RARB: variants seen among roughly 807,000 people sequenced by gnomAD.
RARB encodes retinoic acid receptor beta.
Under a neutral mutation model 51.9 loss-of-function variants are expected in RARB, and 17 were observed. The observed-to-expected ratio is 0.33, with a 90% CI of 0.22 to 0.49. The LOEUF (loss-of-function observed/expected upper bound fraction) is 0.49, where lower values mean the gene tolerates loss of function less well. Among genes scored for constraint, RARB ranks in the 20% least tolerant of loss-of-function variants. The pLI, the probability that RARB is intolerant of heterozygous loss-of-function variation, is 0.99. For synonymous variants in RARB, 215 were observed against 195.4 expected (o/e 1.10, Z -0.84); for missense variants, 369 against 550.8 (o/e 0.67, Z 3.30).
chr3:24,878,331 A>C lies in RARB; in HGVS notation c.-380+19579A>C, dbSNP rs185828023. Reference sequence around the variant, plus strand: ...ATTGGATTTTGTTTTTGAAGTTTTCATCTTTCTGCTTGGCTTGTTTCCAAG... The same window carrying C: ...ATTGGATTTTGTTTTTGAAGTTTTCCTCTTTCTGCTTGGCTTGTTTCCAAG... On this transcript the variant is annotated intron_variant, in intron 2 of 11. Transcript: ENST00000383772. 2.6e-3 allele frequency among the ~76,000 whole-genome samples: 383 copies of C among 150,008 alleles called. 1 individual carries two copies. Among genetic ancestry groups the C allele is most frequent in the African/African-American group, 8.9e-3 (362 of 40,612 alleles).
chr3:25,217,175 C>G (rs1340108701), intron 5 of RARB, among the ~76,000 whole-genome samples: 1 of 152,122 alleles, frequency 6.6e-6, no homozygotes, highest in African/African-American at 2.4e-5. Context: ...GAGAAACTTC[C>G]TCTCATCTAC....
intron 5 of RARB, among the ~76,000 whole-genome samples, chr3:25,325,304 T>C (rs1704681748): frequency 6.6e-6 from 1 of 152,000 alleles, no homozygotes; most frequent in African/African-American, 2.4e-5. Flanking sequence ...CAACCAGAGG[T>C]CATTTTCATG....
At chr3:25,566,305 AT>A (rs1700492889) in intron 3 of RARB, among the ~76,000 whole-genome samples, 3 of 152,158 alleles carry the variant, frequency 2.0e-5, no homozygotes, top group Admixed American at 2.0e-4. Context: ...TTGTCCCTGC[AT>A]TTTGTGGGTG....
At chr3:25,175,486 G>A (rs559465173) in intron 5 of RARB, among the ~76,000 whole-genome samples, 1 of 152,270 alleles carries the variant, frequency 6.6e-6, no homozygotes, top group South Asian at 2.1e-4. Flanking sequence ...GTATCATTGG[G>A]ATACCACCTT....
At chr3:25,396,949 C>T (rs1707132254) in intron 5 of RARB, among the ~76,000 whole-genome samples, 1 of 152,156 alleles carries the variant, frequency 6.6e-6, no homozygotes, top group Non-Finnish European at 1.5e-5. Flanking sequence ...TTGCCCCAGG[C>T]TACAAGCCTC....
intron 2 of RARB, among the ~76,000 whole-genome samples, chr3:24,879,663 C>T (rs957473339): frequency 6.6e-6 from 1 of 151,748 alleles, no homozygotes; most frequent in Non-Finnish European, 1.5e-5. Context: ...ATCTTTTAAA[C>T]AAAAAACCGA....
At chr3:25,380,966 C>T (rs1308300642) in intron 5 of RARB, among the ~76,000 whole-genome samples, 1 of 152,094 alleles carries the variant, frequency 6.6e-6, no homozygotes, top group African/African-American at 2.4e-5. Flanking sequence ...TCGACCTTTC[C>T]ATCTGGTTAT....
chr3:24,854,314 T>A (rs1389028354), intron 1 of RARB, among the ~76,000 whole-genome samples: 1 of 152,202 alleles, frequency 6.6e-6, no homozygotes, highest in Non-Finnish European at 1.5e-5. Flanking sequence ...CAATGTGTAA[T>A]CCAAGAATCC....
At chr3:25,416,973 A>G (rs1707721486) in intron 5 of RARB, among the ~76,000 whole-genome samples, 1 of 152,134 alleles carries the variant, frequency 6.6e-6, no homozygotes, top group African/African-American at 2.4e-5. Context: ...GTTTTGCCAC[A>G]CTGGCCTTTC....
chr3:25,335,458 C>T (rs368094043), intron 5 of RARB, among the ~76,000 whole-genome samples: 6 of 152,294 alleles, frequency 3.9e-5, no homozygotes, highest in African/African-American at 1.2e-4. Context: ...CTCTGTGGCC[C>T]GGCATGTTGG....
At chr3:25,397,910 C>G (rs1159615581) in intron 5 of RARB, among the ~76,000 whole-genome samples, 3 of 151,562 alleles carry the variant, frequency 2.0e-5, no homozygotes, top group African/African-American at 7.3e-5. Context: ...TTCTTACATA[C>G]ATTTCAAGGG....
At chr3:25,252,778 C>T (rs1436289235) in intron 5 of RARB, among the ~76,000 whole-genome samples, 1 of 151,904 alleles carries the variant, frequency 6.6e-6, no homozygotes, top group South Asian at 2.1e-4. Context: ...TATCTATATC[C>T]CCTTTTAACT....
rs73154999 is a variant in RARB at position 25,312,531 on chromosome 3, G to A, written c.178+137956G>A. ...AGTTAAAAGTGGGTTTGTAAAATGC[G>A]GTTAATTGAAAAGAAGAGGTATAGT... On this transcript the variant is annotated intron_variant, in intron 5 of 11. Coordinates refer to the RARB transcript ENST00000383772. 9.8e-3 allele frequency among the ~76,000 whole-genome samples: 1,496 copies of A among 152,200 alleles called. 21 individuals carry two copies. The highest frequency in any genetic ancestry group is 0.034 in the African/African-American group (1,406 of 41,514).
At chr3:25,019,904 A>T (rs1697591373) in intron 2 of RARB, among the ~76,000 whole-genome samples, 1 of 152,056 alleles carries the variant, frequency 6.6e-6, no homozygotes. Flanking sequence ...GAGATTAAAG[A>T]GACTCTCAAC....
intron 1 of RARB, among the ~76,000 whole-genome samples, chr3:24,831,206 G>C (rs1702277191): frequency 6.6e-6 from 1 of 152,196 alleles, no homozygotes; most frequent in African/African-American, 2.4e-5. Context: ...TGTTGCTAAA[G>C]TACTGTCAGG....
chr3:25,462,047 G>A (rs1695212507), intron 2 of RARB, among the ~76,000 whole-genome samples: 1 of 152,188 alleles, frequency 6.6e-6, no homozygotes, highest in Admixed American at 6.5e-5. Context: ...GGGAATTCAA[G>A]GTTGAAACTG....
chr3:25,500,852 C>T (rs746841287), intron 2 of RARB, among the ~76,000 whole-genome samples: 13 of 152,206 alleles, frequency 8.5e-5, no homozygotes, highest in South Asian at 2.1e-4. Context: ...AAATTGTTCT[C>T]GTCAGCAAGG....
intron 5 of RARB, among the ~76,000 whole-genome samples, chr3:25,584,945 C>T (rs1027992721): frequency 2.0e-5 from 3 of 151,704 alleles, no homozygotes; most frequent in Admixed American, 6.6e-5. Context: ...TATCTCCTCC[C>T]CTCACCCTCC....
intron 1 of RARB, among the ~76,000 whole-genome samples, chr3:24,858,443 C>T (rs1431809016): frequency 1.3e-5 from 2 of 152,170 alleles, no homozygotes; most frequent in Non-Finnish European, 2.9e-5. Flanking sequence ...TGGCTGTACC[C>T]TATCGTGTGA....
Sources: allele counts gnomAD v4.1 joint callset (sites outside exome capture counted in the v4.1 genomes callset), GRCh38; gene constraint gnomAD v4.1.1; transcripts MANE v1.5; gene names NCBI Gene and HGNC (gene_info 2026-07-23, HGNC 2026-07-21).